Variants in SHTN1 observed in about 807,000 individuals in gnomAD.
SHTN1 encodes shootin 1.
In SHTN1, 42 loss-of-function variants were observed where a neutral mutation model predicts 83.1. That is an observed-to-expected ratio of 0.51 (90% confidence interval 0.39 to 0.65). SHTN1 has a LOEUF of 0.65. SHTN1 is among the 30% of genes least tolerant of loss of function. The probability of loss-of-function intolerance (pLI) is 0.00; values close to 1 mark genes in which losing one functional copy is unlikely to be tolerated. For synonymous variants in SHTN1, 224 were observed against 247.7 expected, an observed-to-expected ratio of 0.90 and a Z score of 0.90; for missense variants, 622 against 737.8, an observed-to-expected ratio of 0.84 and a Z score of 1.82.
intron 2 of SHTN1, among the ~76,000 whole-genome samples, chr10:117,036,037 C>T (rs528924157): frequency 1.3e-4 from 20 of 151,380 alleles, no homozygotes; most frequent in Middle Eastern, 3.4e-3. Flanking sequence ...TGAAAAGGTG[C>T]TCAACATCAC....
At chr10:117,032,195 A>G (rs1852426114) in intron 2 of SHTN1, among the ~76,000 whole-genome samples, 1 of 152,136 alleles carries the variant, frequency 6.6e-6, no homozygotes, top group Non-Finnish European at 1.5e-5. Flanking sequence ...ACTCAGCAAG[A>G]AGATGTAACA....
intron 1 of SHTN1, among the ~76,000 whole-genome samples, chr10:117,088,259 C>G (rs1008642619): frequency 6.6e-6 from 1 of 152,216 alleles, no homozygotes; most frequent in Non-Finnish European, 1.5e-5. Context: ...CCTCTAATAT[C>G]TACCAGCTAC....
chr10:116,973,835 G>GT (rs1211366906), intron 2 of SHTN1: 28 of 1,249,758 alleles, frequency 2.2e-5, no homozygotes, highest in Non-Finnish European at 2.9e-5. Context: ...CATCAGAATT[G>GT]TGTGTACTTT....
chr10:116,906,191 C>A (rs746853964), intron 15 of SHTN1, among the ~76,000 whole-genome samples: 1 of 152,214 alleles, frequency 6.6e-6, no homozygotes, highest in Non-Finnish European at 1.5e-5. Context: ...TGAAGCAGTG[C>A]TTTTATTATT....
At chr10:116,926,458 T>A (rs1374571484) in intron 11 of SHTN1, among the ~76,000 whole-genome samples, 1 of 152,248 alleles carries the variant, frequency 6.6e-6, no homozygotes, top group Non-Finnish European at 1.5e-5. Flanking sequence ...TTCTTTCAAT[T>A]GACTCTTGGA....
intron 2 of SHTN1, among the ~76,000 whole-genome samples, chr10:117,037,033 C>T (rs996984324): frequency 1.3e-5 from 2 of 152,148 alleles, no homozygotes; most frequent in Admixed American, 6.5e-5. Flanking sequence ...ACAAAAATCT[C>T]CTAGAACTAA....
chr10:117,049,006 A>G (rs567849827), intron 1 of SHTN1, among the ~76,000 whole-genome samples: 106 of 152,338 alleles, frequency 7.0e-4, no homozygotes, highest in Non-Finnish European at 1.3e-3. Flanking sequence ...TCATCTGTCA[A>G]TTGGGGACCA....
At chr10:117,024,638 G>A (rs1424515507) in intron 2 of SHTN1, among the ~76,000 whole-genome samples, 1 of 152,034 alleles carries the variant, frequency 6.6e-6, no homozygotes, top group East Asian at 1.9e-4. Flanking sequence ...GATTACAGGC[G>A]TGAGCCACCG....
At chr10:117,024,522 T>G (rs886838381) in intron 2 of SHTN1, among the ~76,000 whole-genome samples, 1 of 151,818 alleles carries the variant, frequency 6.6e-6, no homozygotes, top group Non-Finnish European at 1.5e-5. Flanking sequence ...GCCTGGCTAA[T>G]TTTTTATATT....
chr10:117,026,673 A>G (rs1016697421), intron 2 of SHTN1, among the ~76,000 whole-genome samples: 43 of 152,112 alleles, frequency 2.8e-4, no homozygotes, highest in African/African-American at 1.0e-3. Flanking sequence ...CCACCTGCCT[A>G]AGCCTCCCAA....
At chr10:116,892,844 C>T (rs1847380239) in intron 16 of SHTN1, among the ~76,000 whole-genome samples, 1 of 152,140 alleles carries the variant, frequency 6.6e-6, no homozygotes. Context: ...CTCCACTATA[C>T]ACAAATAAAA....
chr10:117,085,582 G>T (rs1853338003), intron 1 of SHTN1, among the ~76,000 whole-genome samples: 1 of 152,186 alleles, frequency 6.6e-6, no homozygotes, highest in East Asian at 1.9e-4. Flanking sequence ...AGCTCAAAAA[G>T]ATGCATATTC....
intron 1 of SHTN1, among the ~76,000 whole-genome samples, chr10:116,982,962 CA>C (rs534195833): frequency 9.7e-4 from 134 of 137,764 alleles, no homozygotes; most frequent in South Asian, 1.1e-3. Context: ...GACTCTGTCT[CA>C]AAAAAAAAAA....
chr10:117,089,858 T>G (rs1314742704), intron 1 of SHTN1, among the ~76,000 whole-genome samples: 2 of 152,044 alleles, frequency 1.3e-5, no homozygotes, highest in Non-Finnish European at 2.9e-5. Flanking sequence ...AAACCCACAA[T>G]GAAACACCAC....
At chr10:117,099,373 A>C (rs1853556446) in intron 1 of SHTN1, among the ~76,000 whole-genome samples, 1 of 152,088 alleles carries the variant, frequency 6.6e-6, no homozygotes. Context: ...TACCCCAAAA[A>C]CTATTGGAAT....
At chr10:117,045,372 G>A (rs1313110541) in intron 2 of SHTN1, among the ~76,000 whole-genome samples, 1 of 152,088 alleles carries the variant, frequency 6.6e-6, no homozygotes, top group African/African-American at 2.4e-5. Flanking sequence ...CAGCCCAGAG[G>A]CACAGGCTCA....
intron 2 of SHTN1, among the ~76,000 whole-genome samples, chr10:117,018,022 G>A (rs1852205548): frequency 6.6e-6 from 1 of 152,134 alleles, no homozygotes; most frequent in Non-Finnish European, 1.5e-5. Flanking sequence ...GAAAACATGG[G>A]AAGACTAAAA....
chr10:117,024,740 T>C (rs1261282171), intron 2 of SHTN1, among the ~76,000 whole-genome samples: 1 of 152,190 alleles, frequency 6.6e-6, no homozygotes, highest in Non-Finnish European at 1.5e-5. Context: ...CTGAAGTAGT[T>C]AGGTTAAAAT....
chr10:117,038,454 G>C (rs1212801153), intron 2 of SHTN1, among the ~76,000 whole-genome samples: 1 of 151,716 alleles, frequency 6.6e-6, no homozygotes, highest in Non-Finnish European at 1.5e-5. Context: ...TGACTTTTTA[G>C]ATACAAAACC....
Sources: gnomAD v4.1 joint callset for allele counts (sites outside exome capture counted in the v4.1 genomes callset) on GRCh38, gnomAD v4.1.1 for gene constraint, MANE v1.5 for transcripts, NCBI Gene and HGNC (gene_info 2026-07-23, HGNC 2026-07-21) for gene names.